The following FILIP1 variants were observed in gnomAD, a reference collection of about 807,000 sequenced individuals.
FILIP1 encodes the protein filamin-A-interacting protein 1.
A neutral mutation model predicts 102.1 loss-of-function variants in FILIP1; 61 were observed. That is an observed-to-expected ratio of 0.60 (90% confidence interval 0.49 to 0.74). The LOEUF (loss-of-function observed/expected upper bound fraction) is 0.74, where lower values mean the gene tolerates loss of function less well. FILIP1 is among the 30% of genes least tolerant of loss of function. The pLI, the probability that FILIP1 is intolerant of heterozygous loss-of-function variation, is 0.00. For synonymous variants in FILIP1, 491 were observed against 526.9 expected, an observed-to-expected ratio of 0.93 and a Z score of 0.93; for missense variants, 1,314 against 1,441.2, an observed-to-expected ratio of 0.91 and a Z score of 1.43.
Position 75,365,307 on chromosome 6 carries a change from G to A in FILIP1, c.277-2390C>T, listed in dbSNP as rs559062346. ...ATTTCTGAAAGACTAAAAGAAAAGG[G>A]CTTAGAAGACAGGGTAGTAATATTA... On this transcript the variant is annotated intron_variant, in intron 2 of 5. Coordinates refer to ENST00000237172, the MANE Select transcript of FILIP1 (RefSeq NM_015687.5). 3.9e-5 allele frequency among the ~76,000 whole-genome samples: 6 copies of A among 152,154 alleles called. No individual in the cohort carries two copies. In the South Asian group the frequency reaches 1.0e-3, roughly 26 times the overall value.
chr6:75,371,897 A>T (rs1323854876), intron 2 of FILIP1, among the ~76,000 whole-genome samples: 1 of 152,272 alleles, frequency 6.6e-6, no homozygotes, highest in Non-Finnish European at 1.5e-5. Context: ...GATATTGGAT[A>T]TAGCACTTAT....
chr6:75,327,847 CAA>C (rs1482588962), intron 4 of FILIP1, among the ~76,000 whole-genome samples: 6 of 151,840 alleles, frequency 4.0e-5, no homozygotes, highest in African/African-American at 1.2e-4. Flanking sequence ...CAGTGTTTCT[CAA>C]AAAGAGACAG....
chr6:75,381,677 C>G (rs1775909740), intron 2 of FILIP1, among the ~76,000 whole-genome samples: 1 of 152,132 alleles, frequency 6.6e-6, no homozygotes, highest in Admixed American at 6.6e-5. Context: ...GACATTTGTT[C>G]TAGCTAATAT....
At position 75,362,778 on chromosome 6, in the gene FILIP1, A is replaced by G. The variant is rs750525142; in HGVS notation, c.416T>C (p.Ile139Thr). ...CGGTTTCTCATAGACATCTTCTCCTATGGATTTCTCCTGGGCAAGAATGGC... is the reference window on the plus strand; with the variant it reads ...CGGTTTCTCATAGACATCTTCTCCTGTGGATTTCTCCTGGGCAAGAATGGC... The part of the protein sequence containing the change: ...RDAILAQEKS[I>T]GEDVYEKPIS... The change falls in exon 3 of 6, where the codon ATA becomes ACA. Residue 139 changes from isoleucine (I) to threonine (T), a missense_variant. Ile to Thr is a moderately conservative substitution (Grantham distance 89, BLOSUM62 -1). Around this residue, in one of 3 missense-constraint regions of FILIP1, gnomAD observed 494 missense variants for 511.2 expected, o/e 0.97. Transcript: ENST00000237172. The G allele has an allele frequency of 2.1e-5, 34 of 1,613,422 alleles. No homozygotes were observed. The highest frequency in any genetic ancestry group is 4.5e-5 in the East Asian group (2 of 44,872).
intron 1 of FILIP1, among the ~76,000 whole-genome samples, chr6:75,464,733 T>C (rs950968086): frequency 1.3e-5 from 2 of 152,168 alleles, no homozygotes; most frequent in African/African-American, 4.8e-5. Flanking sequence ...TACTTCTACG[T>C]TTAATAAACA....
intron 3 of FILIP1, chr6:75,357,339 G>A (rs1288210920): frequency 6.6e-6 from 1 of 152,228 alleles, no homozygotes; most frequent in Non-Finnish European, 1.5e-5. Flanking sequence ...AACAGCACAT[G>A]GAAGTATCAA....
At chr6:75,315,271 T>TA (rs1038537103) in intron 4 of FILIP1, 69 bp from the exon 5 acceptor site, 2 of 1,078,484 alleles carry the variant, frequency 1.9e-6, no homozygotes, top group South Asian at 2.1e-5. Context: ...TGATATTAAA[T>TA]AAAAAACAAA....
Position 75,313,644 on chromosome 6 carries a change from T to C in FILIP1, c.2188A>G (p.Lys730Glu). 6.3e-7 allele frequency: 1 copy of C among 1,595,174 alleles called. No individual in the cohort carries two copies. The highest frequency in any genetic ancestry group is 1.2e-5 in the South Asian group (1 of 86,630). Residue 730 changes from lysine (K) to glutamate (E), a missense_variant, in exon 5 of 6, where the codon AAG becomes GAG. By Grantham distance (56) the Lys-to-Glu change is moderately conservative. Transcript: ENST00000237172. This position sits in a 1 kb window ranked among gnomAD's most constrained non-coding sequence, Gnocchi z 4.2. ...LKAEVQALKE[K>E]IHELMNKEDQ... is the part of the protein sequence containing the mutation. ...TCTTTGTTCATTAATTCGTGAATCT[T>C]CTCTTTAAGAGCTTGTACTTCGGCT...
chr6:75,435,944 C>T (rs921163661), intron 1 of FILIP1, among the ~76,000 whole-genome samples: 2 of 152,118 alleles, frequency 1.3e-5, no homozygotes, highest in Non-Finnish European at 2.9e-5. Context: ...TTCCAGCTAA[C>T]CTTGATCAAC....
chr6:75,296,213 CT>C (rs1772662947), intron 6 of FILIP1, among the ~76,000 whole-genome samples: 2 of 151,964 alleles, frequency 1.3e-5, no homozygotes. Context: ...AAGGTAAGAA[CT>C]GAAAACAAAG....
chr6:75,354,884 A>T (rs561673949), intron 3 of FILIP1, among the ~76,000 whole-genome samples: 156 of 152,350 alleles, frequency 1.0e-3, no homozygotes, highest in African/African-American at 3.5e-3. Context: ...AGCTATATGC[A>T]TTTCTAGGAA....
intron 1 of FILIP1, among the ~76,000 whole-genome samples, chr6:75,491,414 C>G (rs1359663245): frequency 1.3e-5 from 2 of 152,048 alleles, no homozygotes; most frequent in Non-Finnish European, 2.9e-5. Context: ...TGTTTGGCAG[C>G]AACTAGAAGT....
intron 2 of FILIP1, among the ~76,000 whole-genome samples, chr6:75,373,762 A>C (rs534721349): frequency 1.3e-5 from 2 of 152,304 alleles, no homozygotes; most frequent in South Asian, 4.2e-4. Context: ...TAATCCCAGC[A>C]CTGTAGGAAG....
At chr6:75,350,488 A>G (rs1384237831) in intron 4 of FILIP1, among the ~76,000 whole-genome samples, 1 of 151,906 alleles carries the variant, frequency 6.6e-6, no homozygotes, top group Non-Finnish European at 1.5e-5. Flanking sequence ...ATAAAATTAA[A>G]CAACTTCTAT....
At chr6:75,304,722 A>G (rs1002512548), downstream of FILIP1, among the ~76,000 whole-genome samples, 1 of 152,256 alleles carries the variant, frequency 6.6e-6, no homozygotes, top group African/African-American at 2.4e-5. Context: ...AAGTCACACT[A>G]TAAGCACTTT....
chr6:75,475,024 T>G (rs1412577051), intron 1 of FILIP1, among the ~76,000 whole-genome samples: 2 of 152,050 alleles, frequency 1.3e-5, no homozygotes, highest in Non-Finnish European at 2.9e-5. Flanking sequence ...GCCAAGCATA[T>G]GCCAGCATCA....
At chr6:75,443,635 A>G (rs1227067703) in intron 1 of FILIP1, among the ~76,000 whole-genome samples, 2 of 152,156 alleles carry the variant, frequency 1.3e-5, no homozygotes, top group African/African-American at 2.4e-5. Context: ...AATCTGGGAA[A>G]TTTCACATTC....
At chr6:75,489,575 A>C (rs1011343504) in intron 1 of FILIP1, among the ~76,000 whole-genome samples, 4 of 152,108 alleles carry the variant, frequency 2.6e-5, no homozygotes, top group Admixed American at 6.6e-5. Context: ...TGTTCAAAAA[A>C]ACTTCATAAG....
At chr6:75,426,885 G>A (rs1777645425) in intron 1 of FILIP1, among the ~76,000 whole-genome samples, 1 of 152,056 alleles carries the variant, frequency 6.6e-6, no homozygotes, top group South Asian at 2.1e-4. Context: ...TTTTGAACAA[G>A]CAGCCCCACA....
Sources: gnomAD v4.1 joint callset for allele counts (sites outside exome capture counted in the v4.1 genomes callset) on GRCh38, gnomAD v4.1.1 for gene constraint, gnomAD v4.1.1 regional missense constraint, Gnocchi (gnomAD v3.1) non-coding constraint, MANE v1.5 for transcripts, NCBI Gene and HGNC (gene_info 2026-07-23, HGNC 2026-07-21) for gene names.